Variants in METAP1 observed in about 807,000 individuals in gnomAD.
METAP1 encodes methionine aminopeptidase 1.
In METAP1, 28 loss-of-function variants were observed where a neutral mutation model predicts 53.8. That is an observed-to-expected ratio of 0.52 (90% CI 0.39 to 0.71). The LOEUF (loss-of-function observed/expected upper bound fraction) is 0.71. Among genes scored for constraint, METAP1 ranks in the 30% least tolerant of loss-of-function variants. The probability of loss-of-function intolerance (pLI) is 0.00; values close to 1 mark genes in which losing one functional copy is unlikely to be tolerated. For missense variants in METAP1, 389 were observed against 479.8 expected (o/e 0.81, Z 1.77); for synonymous variants, 181 against 165.7 (o/e 1.09, Z -0.71).
At chr4:99,027,717 T>A (rs1724666413) in intron 1 of METAP1, among the ~76,000 whole-genome samples, 1 of 152,200 alleles carries the variant, frequency 6.6e-6, no homozygotes, top group Non-Finnish European at 1.5e-5. Context: ...AAATCTCTAA[T>A]GCTGTAGATA....
intron 1 of METAP1, among the ~76,000 whole-genome samples, chr4:98,999,425 G>T (rs1317864899): frequency 6.7e-6 from 1 of 149,918 alleles, no homozygotes; most frequent in Admixed American, 6.7e-5. Context: ...TAGCATATTA[G>T]TAAACTTAAT....
intron 1 of METAP1, among the ~76,000 whole-genome samples, chr4:99,004,634 C>G (rs377155468): frequency 6.6e-6 from 1 of 152,086 alleles, no homozygotes; most frequent in Non-Finnish European, 1.5e-5. Flanking sequence ...ACAGAAGGCT[C>G]CTTTTTCTTT....
chr4:99,010,593 T>C (rs1307218078), intron 1 of METAP1, among the ~76,000 whole-genome samples: 1 of 152,240 alleles, frequency 6.6e-6, no homozygotes, highest in Non-Finnish European at 1.5e-5. Context: ...TGGTATGTTT[T>C]GATATCAGGA....
intron 6 of METAP1, among the ~76,000 whole-genome samples, chr4:99,041,961 G>A (rs1202061023): frequency 1.3e-5 from 2 of 151,702 alleles, no homozygotes. Context: ...TGCAATAATA[G>A]CATTTTGAGT....
intron 1 of METAP1, among the ~76,000 whole-genome samples, chr4:99,000,671 T>G (rs1270156011): frequency 2.0e-5 from 3 of 151,878 alleles, no homozygotes; most frequent in Non-Finnish European, 4.4e-5. Context: ...TTTTTTTTTT[T>G]TTAAATAACA....
rs774677392 is a variant in METAP1 at position 99,028,903 on chromosome 4, C to G, written c.151C>G (p.Leu51Val). The G allele has an allele frequency of 1.3e-6, 2 of 1,545,178 alleles. No individual in the cohort carries two copies. The highest frequency in any genetic ancestry group is 1.7e-6 in the Non-Finnish European group (2 of 1,143,192). The change falls in exon 2 of 11, where the codon CTA (leucine) becomes GTA (valine). Residue 51 changes from leucine to valine, a missense_variant. Physicochemically the swap from Leu to Val is conservative, Grantham distance 32. Coordinates refer to ENST00000296411, the MANE Select transcript of METAP1 (RefSeq NM_015143.3). ...AGGAAGTTGGGCTACTCACAAGTTA[C>G]TACATAAGAAAGCAAGTAAGTACAA... ...FKGSWATHKL[L>V]HKKAKDEKAK...
At chr4:99,046,699 GTTGGAGGAA>G (rs1726266623) in intron 8 of METAP1, among the ~76,000 whole-genome samples, 1 of 152,094 alleles carries the variant, frequency 6.6e-6, no homozygotes, top group South Asian at 2.1e-4. Flanking sequence ...TTTTACTCAA[GTTGGAGGAA>G]TGGAAATGAA....
chr4:98,997,612 G>A (rs1722698613), intron 1 of METAP1, among the ~76,000 whole-genome samples: 1 of 152,190 alleles, frequency 6.6e-6, no homozygotes, highest in Non-Finnish European at 1.5e-5. Flanking sequence ...CTTCTGTTAA[G>A]ATTTTAAAAA....
chr4:99,002,174 A>G (rs182968449), intron 1 of METAP1, among the ~76,000 whole-genome samples: 1 of 152,356 alleles, frequency 6.6e-6, no homozygotes, highest in Non-Finnish European at 1.5e-5. Flanking sequence ...AGTGACAGAC[A>G]TAAGTGCATA....
chr4:99,038,889 A>T (rs1194303272), intron 4 of METAP1, among the ~76,000 whole-genome samples: 1 of 152,174 alleles, frequency 6.6e-6, no homozygotes, highest in East Asian at 1.9e-4. Flanking sequence ...CCATTTATTT[A>T]CTTTTAAAAA....
At chr4:99,028,109 G>T (rs1165649643) in intron 1 of METAP1, among the ~76,000 whole-genome samples, 10 of 152,218 alleles carry the variant, frequency 6.6e-5, no homozygotes, top group Non-Finnish European at 1.2e-4. Context: ...CTCTTTGAAG[G>T]AGAGGCCATC....
rs1277914278 is a variant in METAP1, at chr4:99,013,639, C to T, written c.115-15228C>T. 3.3e-5 allele frequency among the ~76,000 whole-genome samples: 5 copies of T among 152,222 alleles called. No individual in the cohort carries two copies. In the South Asian group the frequency reaches 6.2e-4, roughly 19 times the overall value. On this transcript the variant is annotated intron_variant, in intron 1 of 10. Coordinates refer to ENST00000296411, the MANE Select transcript of METAP1 (RefSeq NM_015143.3). The stretch of plus-strand genomic sequence containing the variant: ...CCCGTTCCCATTGGCTGGGATGGGA[C>T]CTCACACTCTAAACTTAACTGGATT...
intron 1 of METAP1, among the ~76,000 whole-genome samples, chr4:99,010,624 GCT>G (rs1016535549): frequency 3.3e-5 from 5 of 152,062 alleles, no homozygotes; most frequent in Non-Finnish European, 7.4e-5. Context: ...TTCCAAATTT[GCT>G]CTTTTTCAGA....
In METAP1 at chr4:99,045,285, G is replaced by A. The variant is rs748758739; in HGVS notation, c.762G>A (p.Glu254=). 18 of 1,613,684 alleles carry A rather than the reference G, an allele frequency of 1.1e-5. No homozygotes were observed. In the South Asian group the frequency reaches 1.4e-4, roughly 13 times the overall value. ...GGAAACTTGTTCAGACCACATATGA[G>A]TGCCTGATGCAAGCCATTGATGCAG... is the stretch of plus-strand genomic sequence containing the variant. ...GARKLVQTTY[E]CLMQAIDAVK... is the part of the protein sequence containing the mutation. The change falls in exon 8 of 11, where the codon GAG becomes GAA. Residue 254 remains glutamate (E), a synonymous_variant. Coordinates refer to ENST00000296411, the MANE Select transcript of METAP1 (RefSeq NM_015143.3).
chr4:99,027,170 T>A (rs1264913774), intron 1 of METAP1, among the ~76,000 whole-genome samples: 1 of 152,210 alleles, frequency 6.6e-6, no homozygotes, highest in African/African-American at 2.4e-5. Flanking sequence ...AATTTCCCCT[T>A]TGCCCTTTGA....
At chr4:99,004,482 CAT>C (rs1553939998) in intron 1 of METAP1, among the ~76,000 whole-genome samples, 1,099 of 16,946 alleles carry the variant, frequency 0.065, 16 homozygotes, top group African/African-American at 0.18. Flanking sequence ...CACACACACA[CAT>C]ACACACACAC....
intron 10 of METAP1, 133 bp from the exon 11 acceptor site, chr4:99,061,021 T>C (rs1314519628): frequency 3.5e-5 from 30 of 857,388 alleles, no homozygotes; most frequent in Non-Finnish European, 5.3e-5. Context: ...CAAAATGAAG[T>C]TGGAAAGGCA....
At chr4:99,027,201 T>G (rs1724621586) in intron 1 of METAP1, among the ~76,000 whole-genome samples, 2 of 152,148 alleles carry the variant, frequency 1.3e-5, no homozygotes, top group South Asian at 4.1e-4. Flanking sequence ...AAAAATCAAC[T>G]TACAAAAACC....
Position 99,062,012 on chromosome 4 carries a change from T to A in METAP1, c.*695T>A, listed in dbSNP as rs1393093882. The A allele has an allele frequency of 6.6e-6, 1 of 152,238 alleles. No homozygotes were observed. The allele number at this position is 152,238 out of a possible 1,614,324, so 9.4% of individuals were successfully genotyped here. A position where few individuals can be genotyped will look rare whatever the true frequency, so the allele number is the denominator to read the frequency against. On this transcript the variant is annotated 3_prime_UTR_variant, in exon 11 of 11. Coordinates refer to ENST00000296411, the MANE Select transcript of METAP1 (RefSeq NM_015143.3). The stretch of plus-strand genomic sequence containing the variant: ...TCACTTTGGAAGGTTATCAGGCTTT[T>A]AAAAATCTAGTTTATGGCAAAAATA...
Sources: gnomAD v4.1 joint callset for allele counts (sites outside exome capture counted in the v4.1 genomes callset) on GRCh38, gnomAD v4.1.1 for gene constraint, MANE v1.5 for transcripts, NCBI Gene and HGNC (gene_info 2026-07-23, HGNC 2026-07-21) for gene names.